Variants in FRAS1 observed in about 807,000 individuals in gnomAD.
The protein encoded by FRAS1 is extracellular matrix organizing protein FRAS1.
In FRAS1, 290 loss-of-function variants were observed where a neutral mutation model predicts 435.2. That is an observed-to-expected ratio of 0.67 (90% CI 0.61 to 0.73). The LOEUF (loss-of-function observed/expected upper bound fraction) is 0.73. Ranked by LOEUF, FRAS1 falls within the 30% of genes least tolerant of loss-of-function variation. The probability of loss-of-function intolerance (pLI) is 0.00; values close to 1 mark genes in which losing one functional copy is unlikely to be tolerated. For missense variants in FRAS1, 4,860 were observed against 5,001.5 expected, an observed-to-expected ratio of 0.97 and a Z score of 0.85; for synonymous variants, 1,800 against 1,851.0, an observed-to-expected ratio of 0.97 and a Z score of 0.71.
chr4:78,315,885 G>A (rs1729226217), intron 16 of FRAS1, among the ~76,000 whole-genome samples, 151 bp downstream of exon 16: 1 of 152,230 alleles, frequency 6.6e-6, no homozygotes, highest in South Asian at 2.1e-4. Flanking sequence ...AAGCCAATGT[G>A]TATTTGATAT....
intron 2 of FRAS1, among the ~76,000 whole-genome samples, chr4:78,202,957 A>T (rs1723104080): frequency 6.6e-6 from 1 of 152,114 alleles, no homozygotes; most frequent in South Asian, 2.1e-4. Flanking sequence ...TGGGGTGGTG[A>T]GCTGGGCTTT....
chr4:78,058,956 A>T (rs1247707131), intron 1 of FRAS1, among the ~76,000 whole-genome samples: 1 of 152,214 alleles, frequency 6.6e-6, no homozygotes, highest in Non-Finnish European at 1.5e-5. Context: ...TCGCCCCGCC[A>T]GTGCTTAGGG....
chr4:78,424,472 T>C, intron 35 of FRAS1, 52 bp downstream of exon 35: 1 of 902,620 alleles, frequency 1.1e-6, no homozygotes, highest in Non-Finnish European at 1.6e-6. Flanking sequence ...CTTTCCTTAT[T>C]AGTTCTTTCT....
chr4:78,059,118 C>T (rs13129248), intron 1 of FRAS1, among the ~76,000 whole-genome samples: 37,573 of 152,072 alleles, frequency 0.25, 5,195 homozygotes, highest in African/African-American at 0.37. Context: ...GGCTGGGCGG[C>T]GGCGGCGGGC....
intron 70 of FRAS1, among the ~76,000 whole-genome samples, chr4:78,532,308 A>G (rs1721740630): frequency 6.6e-6 from 1 of 152,068 alleles, no homozygotes; most frequent in Non-Finnish European, 1.5e-5. Context: ...ACATAGCCGC[A>G]TGTCTTACTC....
intron 70 of FRAS1, among the ~76,000 whole-genome samples, chr4:78,527,839 G>T (rs1721589146): frequency 6.6e-6 from 1 of 152,190 alleles, no homozygotes; most frequent in Non-Finnish European, 1.5e-5. Flanking sequence ...ATGCTTGTAT[G>T]CTGGTGGGAA....
chr4:78,416,173 G>A (rs1479037551), intron 32 of FRAS1, among the ~76,000 whole-genome samples: 1 of 152,150 alleles, frequency 6.6e-6, no homozygotes, highest in Admixed American at 6.6e-5. Context: ...ATTATGATAA[G>A]TAAAATAAGC....
At chr4:78,498,109 G>A (rs1720559641) in intron 60 of FRAS1, among the ~76,000 whole-genome samples, 1 of 152,208 alleles carries the variant, frequency 6.6e-6, no homozygotes, top group African/African-American at 2.4e-5. Flanking sequence ...GGGGCCTGGG[G>A]AAGGATAACA....
chr4:78,128,932 T>G (rs1719529778), intron 2 of FRAS1, among the ~76,000 whole-genome samples: 1 of 152,232 alleles, frequency 6.6e-6, no homozygotes, highest in African/African-American at 2.4e-5. Context: ...AATTTTTGTA[T>G]AAGGTGTAAG....
chr4:78,241,229 C>T (rs939279348), intron 3 of FRAS1, among the ~76,000 whole-genome samples: 6 of 152,170 alleles, frequency 3.9e-5, no homozygotes, highest in African/African-American at 1.4e-4. Context: ...AACCATCAAG[C>T]CCTTCGGTGT....
At chr4:78,126,085 G>A (rs1254861593) in intron 2 of FRAS1, among the ~76,000 whole-genome samples, 2 of 152,172 alleles carry the variant, frequency 1.3e-5, no homozygotes, top group Admixed American at 6.5e-5. Flanking sequence ...GCATAGAACT[G>A]CCTACTCAAG....
Position 78,502,749 on chromosome 4 carries a change from G to A in FRAS1, c.9316+2828G>A, listed in dbSNP as rs149010819. 7.9e-3 allele frequency among the ~76,000 whole-genome samples: 1,207 copies of A among 152,142 alleles called. 15 individuals are homozygous for A. The highest frequency in any genetic ancestry group is 0.028 in the African/African-American group (1,152 of 41,510). ...TGCCCTGGCCAGAACTTCCAATACT[G>A]TGTTGAATAGGAGTGGTGAGAGAGG... On this transcript the variant is annotated intron_variant, in intron 61 of 73. Transcript: ENST00000512123.
rs755750961 is a variant in FRAS1, at chr4:78,364,051, C to T, written c.2719C>T (p.Gln907Ter). Reference sequence around the variant, plus strand: ...CTATCTTGATGACAATCATGTTTGCCAGCGTAGGTTTTTCCAATGAACCTT... The same window carrying T: ...CTATCTTGATGACAATCATGTTTGCTAGCGTAGGTTTTTCCAATGAACCTT... ...GHYLDDNHVC[Q>*]PCNTHCGSCD... The change falls in exon 22 of 74, where the codon CAG becomes TAG. Residue 907 changes from glutamine to a stop codon, truncating the protein, a stop_gained. Transcript: ENST00000512123. LOFTEE classifies it high-confidence loss of function. 16 of 1,580,514 alleles carry T rather than the reference C, an allele frequency of 1.0e-5. No homozygotes were observed. Among genetic ancestry groups the T allele is most frequent in the Non-Finnish European group, 1.4e-5 (16 of 1,162,488 alleles).
Position 78,432,602 on chromosome 4 carries a change from G to A in FRAS1, c.5215G>A (p.Val1739Met), listed in dbSNP as rs773648720. The A allele has an allele frequency of 2.8e-5, 44 of 1,566,128 alleles. No homozygotes were observed. The Admixed American group carries it at 5.2e-4, about 18-fold the overall frequency. The change falls in exon 38 of 74, where the codon GTG becomes ATG. Residue 1739 changes from valine (V) to methionine (M), a missense_variant and splice_region_variant. Physicochemically the swap from Val to Met is conservative, Grantham distance 21 (BLOSUM62 1). Coordinates refer to ENST00000512123, the MANE Select transcript of FRAS1 (RefSeq NM_025074.7). ...AATCACTAGGTCACACCTTGCTTAC[G>A]TGGTAAGTTCTTCCATTTGCTGTGT... ...AIITRSHLAYVDDSSPDPEIW... is the reference protein window; with the variant it reads ...AIITRSHLAYMDDSSPDPEIW...
intron 60 of FRAS1, 62 bp downstream of exon 60, chr4:78,497,023 T>G (rs1055010558): frequency 3.1e-6 from 4 of 1,289,176 alleles, no homozygotes; most frequent in African/African-American, 3.0e-5. Flanking sequence ...GATGTTTAAC[T>G]AATTATTAGT....
chr4:78,527,568 C>G (rs191110925), intron 70 of FRAS1, among the ~76,000 whole-genome samples: 1 of 152,246 alleles, frequency 6.6e-6, no homozygotes, highest in Non-Finnish European at 1.5e-5. Flanking sequence ...TGAAATGTGG[C>G]TTTTAAATAA....
chr4:78,385,753 T>C (rs1252851289), intron 28 of FRAS1, among the ~76,000 whole-genome samples: 3 of 151,716 alleles, frequency 2.0e-5, no homozygotes, highest in Non-Finnish European at 4.4e-5. Flanking sequence ...GGCATGGTGG[T>C]GGACACCTGT....
chr4:78,063,949 A>G (rs1454177017), intron 1 of FRAS1, among the ~76,000 whole-genome samples: 1 of 152,074 alleles, frequency 6.6e-6, no homozygotes, highest in Non-Finnish European at 1.5e-5. Context: ...GAAATAATTA[A>G]ATATGTCCAT....
intron 2 of FRAS1, among the ~76,000 whole-genome samples, chr4:78,081,092 A>G (rs1740873194): frequency 6.6e-6 from 1 of 152,204 alleles, no homozygotes; most frequent in Non-Finnish European, 1.5e-5. Flanking sequence ...GAATTCAGAC[A>G]TCTAAGGTCA....
Sources: gnomAD v4.1 joint callset for allele counts (sites outside exome capture counted in the v4.1 genomes callset) on GRCh38, gnomAD v4.1.1 for gene constraint, MANE v1.5 for transcripts, NCBI Gene and HGNC (gene_info 2026-07-23, HGNC 2026-07-21) for gene names.